The following ZFAT variants were observed in gnomAD, a reference collection of about 807,000 sequenced individuals.
ZFAT encodes zinc finger protein ZFAT.
In ZFAT, 64 loss-of-function variants were observed where a neutral mutation model predicts 117.7. The ratio of observed to expected loss-of-function variants is 0.54; its 90% CI spans 0.44 to 0.67. The LOEUF is 0.67. ZFAT is among the 30% of genes least tolerant of loss of function. The pLI is 0.00. For missense variants in ZFAT, 1,433 were observed against 1,584.5 expected (o/e 0.90, Z 1.62); for synonymous variants, 679 against 615.0 (o/e 1.10, Z -1.54).
the ZFAT span, among the ~76,000 whole-genome samples, chr8:134,721,080 C>A: frequency 1.3e-5 from 2 of 152,156 alleles, no homozygotes; most frequent in African/African-American, 4.8e-5. Flanking sequence ...CTCTATCATC[C>A]ACTTGTCCAG....
At chr8:134,579,038 C>T (rs1801233603) in intron 10 of ZFAT, among the ~76,000 whole-genome samples, 1 of 152,120 alleles carries the variant, frequency 6.6e-6, no homozygotes, top group Non-Finnish European at 1.5e-5. Flanking sequence ...CACTCAAAGC[C>T]AAAAATACTT....
the ZFAT span, among the ~76,000 whole-genome samples, chr8:134,814,222 T>A: frequency 6.6e-6 from 1 of 152,224 alleles, no homozygotes; most frequent in Admixed American, 6.5e-5. Flanking sequence ...AATGAACTCA[T>A]GTGCTAGCGT....
intron 1 of ZFAT, among the ~76,000 whole-genome samples, chr8:134,663,147 C>A (rs1832025847): frequency 6.6e-6 from 1 of 152,238 alleles, no homozygotes; most frequent in African/African-American, 2.4e-5. Flanking sequence ...AAAACTAGAA[C>A]TGGGATTGTG....
chr8:134,775,959 G>C, the ZFAT span, among the ~76,000 whole-genome samples: 1 of 152,166 alleles, frequency 6.6e-6, no homozygotes, highest in Admixed American at 6.5e-5. Flanking sequence ...TCCATAGCCT[G>C]GAAGAAAGGA....
intron 3 of ZFAT, among the ~76,000 whole-genome samples, chr8:134,622,272 G>A (rs994167130): frequency 2.0e-4 from 30 of 152,294 alleles, no homozygotes; most frequent in African/African-American, 7.2e-4. Context: ...TCCAAGAACT[G>A]TAACTTTCAC....
At chr8:134,688,253 T>C (rs1223650346) in intron 1 of ZFAT, among the ~76,000 whole-genome samples, 5 of 152,260 alleles carry the variant, frequency 3.3e-5, no homozygotes, top group Non-Finnish European at 5.9e-5. Context: ...GGGTCCCTAG[T>C]TGCTTCTGCT....
chr8:134,540,135 T>C (rs1427607075), intron 11 of ZFAT, among the ~76,000 whole-genome samples: 2 of 152,020 alleles, frequency 1.3e-5, no homozygotes, highest in African/African-American at 4.8e-5. Flanking sequence ...AACACAGCCA[T>C]AGAAAGAGAG....
At chr8:134,738,750 G>C in the ZFAT span, among the ~76,000 whole-genome samples, 1 of 152,184 alleles carries the variant, frequency 6.6e-6, no homozygotes, top group African/African-American at 2.4e-5. Flanking sequence ...TAACTAGCAG[G>C]AAGCAGAGGG....
In ZFAT at chr8:134,489,583, G is replaced by A. The variant is rs144479794; in HGVS notation, c.3493-10862C>T. Among the ~76,000 whole-genome samples, 189 of 152,082 alleles carry A rather than the reference G, an allele frequency of 1.2e-3. 2 individuals carry two copies. The highest frequency in any genetic ancestry group is 4.4e-3 in the African/African-American group (182 of 41,450). On this transcript the variant is annotated intron_variant, in intron 15 of 15. Coordinates refer to ENST00000377838, the MANE Select transcript of ZFAT (RefSeq NM_020863.4). ...TGGCTGTTCTCTCTCCATCTCTGCC[G>A]CATCTGTCTCCGCTTCTGGACCTCT...
chr8:134,728,138 AT>A, the ZFAT span, among the ~76,000 whole-genome samples: 1 of 150,886 alleles, frequency 6.6e-6, no homozygotes, highest in African/African-American at 2.4e-5. Context: ...CCAATATTAA[AT>A]TTTTTAACTT....
the ZFAT span, among the ~76,000 whole-genome samples, chr8:134,832,079 C>T: frequency 7.0e-6 from 1 of 143,766 alleles, no homozygotes; most frequent in South Asian, 2.3e-4. Flanking sequence ...CGAGGCGCGC[C>T]TGGAGCGGCC....
chr8:134,824,629 C>T, the ZFAT span, among the ~76,000 whole-genome samples: 1 of 152,148 alleles, frequency 6.6e-6, no homozygotes, highest in Non-Finnish European at 1.5e-5. Context: ...TTACTTCATG[C>T]CTCTCCTGAC....
chr8:134,756,291 A>G, the ZFAT span, among the ~76,000 whole-genome samples: 2 of 152,160 alleles, frequency 1.3e-5, no homozygotes, highest in Admixed American at 6.5e-5. Flanking sequence ...CCTCACCTCC[A>G]GATTCTCATT....
intron 3 of ZFAT, among the ~76,000 whole-genome samples, chr8:134,635,522 C>CT (rs376795741): frequency 1.3e-5 from 2 of 152,104 alleles, no homozygotes; most frequent in African/African-American, 4.8e-5. Context: ...GCAGAGCTGC[C>CT]TCGATGGCTA....
chr8:134,818,960 G>A, the ZFAT span, among the ~76,000 whole-genome samples: 4 of 152,142 alleles, frequency 2.6e-5, no homozygotes, highest in Admixed American at 6.5e-5. Context: ...ACTTTTGGGG[G>A]TATATGTTTA....
chr8:134,627,036 A>G (rs183835660), intron 3 of ZFAT, among the ~76,000 whole-genome samples: 1 of 152,250 alleles, frequency 6.6e-6, no homozygotes, highest in East Asian at 1.9e-4. Context: ...AATCCATAAG[A>G]CCAGTGGGGG....
At chr8:134,771,798 C>T in the ZFAT span, among the ~76,000 whole-genome samples, 3 of 152,204 alleles carry the variant, frequency 2.0e-5, no homozygotes, top group Admixed American at 6.5e-5. Context: ...ATACCAGAGA[C>T]TGGCCAATTT....
chr8:134,695,287 T>C (rs560435019), intron 1 of ZFAT, among the ~76,000 whole-genome samples: 14 of 151,126 alleles, frequency 9.3e-5, no homozygotes, highest in Non-Finnish European at 1.9e-4. Context: ...CCCCTGGCCA[T>C]GCTCTTGAGC....
At chr8:134,557,419 G>C (rs1586704275) in intron 11 of ZFAT, among the ~76,000 whole-genome samples, 1 of 152,274 alleles carries the variant, frequency 6.6e-6, no homozygotes, top group East Asian at 1.9e-4. Flanking sequence ...AATGCCATTA[G>C]GTACAAACTA....
Sources: gnomAD v4.1 joint callset for allele counts (sites outside exome capture counted in the v4.1 genomes callset) on GRCh38, gnomAD v4.1.1 for gene constraint, MANE v1.5 for transcripts, NCBI Gene and HGNC (gene_info 2026-07-23, HGNC 2026-07-21) for gene names.